Variants in CNNM2 observed in about 807,000 individuals in gnomAD.
The protein encoded by CNNM2 is metal transporter CNNM2.
Under a neutral mutation model 66.9 loss-of-function variants are expected in CNNM2, and 12 were observed. The ratio of observed to expected loss-of-function variants is 0.18; its 90% CI spans 0.11 to 0.29. The LOEUF is 0.29. Among genes scored for constraint, CNNM2 ranks in the 10% least tolerant of loss-of-function variants. The probability of loss-of-function intolerance (pLI) is 1.00; values close to 1 mark genes in which losing one functional copy is unlikely to be tolerated. For synonymous variants in CNNM2, 557 were observed against 501.8 expected, an observed-to-expected ratio of 1.11 and a Z score of -1.47; for missense variants, 705 against 1,167.7, an observed-to-expected ratio of 0.60 and a Z score of 5.77.
In CNNM2 at chr10:102,918,937, C is replaced by A; in HGVS notation, c.457C>A (p.Arg153Ser). 6.2e-7 allele frequency: 1 copy of A among 1,612,176 alleles called. No individual in the cohort carries two copies. The highest frequency in any genetic ancestry group is 8.5e-7 in the Non-Finnish European group (1 of 1,179,366). The change falls in exon 1 of 8, where the codon CGC becomes AGC. Residue 153 changes from arginine (R) to serine (S), a missense_variant. By Grantham distance (110) the Arg-to-Ser change is moderately radical. Transcript: ENST00000369878. This position sits in a 1 kb window ranked among gnomAD's most constrained non-coding sequence, Gnocchi z 4.1. ...CAGCGGCCCCCAGCGATGCGGCATC[C>A]GCACCTCAGACATCATCATCTTGCC... is the stretch of plus-strand genomic sequence containing the variant. Reference protein sequence around the residue: ...PDSGPQRCGIRTSDIIILPHI... With the variant: ...PDSGPQRCGISTSDIIILPHI...
intron 1 of CNNM2, among the ~76,000 whole-genome samples, chr10:103,041,125 T>C (rs2065032907): frequency 6.6e-6 from 1 of 152,122 alleles, no homozygotes; most frequent in Non-Finnish European, 1.5e-5. Flanking sequence ...CTGCTGAACC[T>C]ACTTAGCCCC....
chr10:102,918,586 C>T lies in CNNM2; in HGVS notation c.106C>T (p.Arg36Cys). ...KMAARRSLSARGRGILQAAAG... is the reference protein window; with the variant it reads ...KMAARRSLSACGRGILQAAAG... ...GGCGGCGCGCCGCAGCCTCAGCGCT[C>T]GCGGCCGGGGGATCCTGCAGGCGGC... The change falls in exon 1 of 8, where the codon CGC becomes TGC. Residue 36 changes from arginine to cysteine, a missense_variant. Coordinates refer to ENST00000369878, the MANE Select transcript of CNNM2 (RefSeq NM_017649.5). This position sits in a 1 kb window ranked among gnomAD's most constrained non-coding sequence, Gnocchi z 4.1. 1.3e-6 allele frequency: 2 copies of T among 1,571,166 alleles called. No individual in the cohort carries two copies. The highest frequency in any genetic ancestry group is 8.6e-7 in the Non-Finnish European group (1 of 1,162,472).
chr10:103,075,806 A>G (rs1189142628), intron 6 of CNNM2, among the ~76,000 whole-genome samples: 1 of 152,146 alleles, frequency 6.6e-6, no homozygotes, highest in Non-Finnish European at 1.5e-5. Flanking sequence ...GTTCCTCACG[A>G]AGGCACACAG....
At chr10:103,008,389 T>C (rs2134266448) in intron 1 of CNNM2, among the ~76,000 whole-genome samples, 1 of 152,334 alleles carries the variant, frequency 6.6e-6, no homozygotes, top group Middle Eastern at 3.4e-3. Flanking sequence ...TGTGATGGCA[T>C]GTGTTGTATA....
At chr10:103,041,855 A>G (rs1381337065) in intron 1 of CNNM2, among the ~76,000 whole-genome samples, 1 of 151,918 alleles carries the variant, frequency 6.6e-6, no homozygotes, top group African/African-American at 2.4e-5. Flanking sequence ...CTCCTGACCC[A>G]GGAAACTCGG....
intron 1 of CNNM2, among the ~76,000 whole-genome samples, chr10:103,037,253 A>G (rs1182272257): frequency 1.3e-5 from 2 of 148,278 alleles, no homozygotes; most frequent in Non-Finnish European, 3.0e-5. Flanking sequence ...TATATTATAT[A>G]GTATTATATA....
intron 1 of CNNM2, among the ~76,000 whole-genome samples, chr10:103,018,448 T>C (rs2134281793): frequency 6.6e-6 from 1 of 152,228 alleles, no homozygotes; most frequent in African/African-American, 2.4e-5. Flanking sequence ...AGGAATGATC[T>C]GGAGGGAGAC....
intron 1 of CNNM2, among the ~76,000 whole-genome samples, chr10:103,040,077 G>T (rs1459657421): frequency 1.3e-5 from 2 of 152,000 alleles, no homozygotes; most frequent in East Asian, 1.9e-4. Flanking sequence ...TGAGGCAGGA[G>T]AATCACTTGA....
chr10:103,007,450 C>G (rs1461647111), intron 1 of CNNM2, among the ~76,000 whole-genome samples: 1 of 152,120 alleles, frequency 6.6e-6, no homozygotes, highest in East Asian at 1.9e-4. Flanking sequence ...TGCAGGAGAC[C>G]AGGGTGTATG....
intron 1 of CNNM2, among the ~76,000 whole-genome samples, chr10:102,993,832 G>A (rs1343274405): frequency 6.6e-6 from 1 of 152,122 alleles, no homozygotes; most frequent in Non-Finnish European, 1.5e-5. Flanking sequence ...AGGCAGGTAA[G>A]TGTCCTTAGC....
chr10:103,040,855 C>T (rs1185256200), intron 1 of CNNM2, among the ~76,000 whole-genome samples: 1 of 152,200 alleles, frequency 6.6e-6, no homozygotes, highest in African/African-American at 2.4e-5. Context: ...TATCGTACAG[C>T]ATTTCCCCTC....
chr10:103,057,683 A>G (rs1183348626), intron 4 of CNNM2, among the ~76,000 whole-genome samples: 2 of 152,146 alleles, frequency 1.3e-5, no homozygotes, highest in Admixed American at 1.3e-4. Flanking sequence ...ACAGCTTCTT[A>G]GAGATATCTT....
At position 103,005,376 on chromosome 10, in the gene CNNM2, C is replaced by T. The variant is rs891119294; in HGVS notation, c.1622-44331C>T. 4.6e-5 allele frequency among the ~76,000 whole-genome samples: 7 copies of T among 151,914 alleles called. No homozygotes were observed. In the South Asian group the frequency reaches 6.2e-4, roughly 14 times the overall value. Reference sequence around the variant, plus strand: ...ATATAGAAGTACAGTTGGCCAGGTGCGGTGTCTCACACCTGTAATCCCAGC... The same window carrying T: ...ATATAGAAGTACAGTTGGCCAGGTGTGGTGTCTCACACCTGTAATCCCAGC... On this transcript the variant is annotated intron_variant, in intron 1 of 7. Transcript: ENST00000369878.
Position 102,965,199 on chromosome 10 carries a change from C to T in CNNM2, c.1621+45098C>T, listed in dbSNP as rs534882858. Reference sequence around the variant, plus strand: ...AACTGACCAAGACATATATGAAGCACCTGACACACAGCTCTCTATAAATAA... The same window carrying T: ...AACTGACCAAGACATATATGAAGCATCTGACACACAGCTCTCTATAAATAA... On this transcript the variant is annotated intron_variant, in intron 1 of 7. Coordinates refer to ENST00000369878, the MANE Select transcript of CNNM2 (RefSeq NM_017649.5). Among the ~76,000 whole-genome samples, 15 of 152,304 alleles carry T rather than the reference C, an allele frequency of 9.8e-5. No homozygotes were observed. The South Asian group carries it at 3.1e-3, about 32-fold the overall frequency.
At chr10:103,007,759 C>T (rs1229884248) in intron 1 of CNNM2, among the ~76,000 whole-genome samples, 4 of 152,154 alleles carry the variant, frequency 2.6e-5, no homozygotes. Flanking sequence ...ATTGTTCAAA[C>T]TCACTTGTTT....
Position 103,076,126 on chromosome 10 carries a change from C to G in CNNM2, c.2274C>G (p.His758Gln), listed in dbSNP as rs1456892100. Residue 758 changes from histidine to glutamine, a missense_variant, in exon 7 of 8, where the codon CAC becomes CAG. Physicochemically the swap from His to Gln is conservative, Grantham distance 24. Transcript: ENST00000369878. ...KSPPRPCGLN[H>Q]SDSLSRSDRI... ...CTCCTCGCCCATGTGGCTTGAATCA[C>G]TCAGACTCTCTCAGTCGAAGCGACC... The G allele has an allele frequency of 1.2e-6, 2 of 1,611,480 alleles. No individual in the cohort carries two copies. The highest frequency in any genetic ancestry group is 4.5e-5 in the East Asian group (2 of 44,832).
chr10:103,041,870 C>T (rs2065045990), intron 1 of CNNM2, among the ~76,000 whole-genome samples: 1 of 152,144 alleles, frequency 6.6e-6, no homozygotes, highest in Admixed American at 6.5e-5. Flanking sequence ...ACTCGGGCAC[C>T]CCCATGCTTA....
chr10:102,952,332 A>G (rs1052249233), intron 1 of CNNM2, among the ~76,000 whole-genome samples: 59 of 152,118 alleles, frequency 3.9e-4, no homozygotes, highest in Non-Finnish European at 1.0e-4. Context: ...TAGGAGGCCA[A>G]GACTGGCGGA....
chr10:103,010,907 C>G (rs2064330136), intron 1 of CNNM2, among the ~76,000 whole-genome samples: 1 of 152,198 alleles, frequency 6.6e-6, no homozygotes, highest in South Asian at 2.1e-4. Flanking sequence ...GCTACCGTGC[C>G]TGGCCGTGAT....
Sources: allele counts gnomAD v4.1 joint callset (sites outside exome capture counted in the v4.1 genomes callset), GRCh38; gene constraint gnomAD v4.1.1; non-coding constraint Gnocchi (gnomAD v3.1); transcripts MANE v1.5; gene names NCBI Gene and HGNC (gene_info 2026-07-23, HGNC 2026-07-21).